The following NBAS variants were observed in gnomAD, a reference collection of about 807,000 sequenced individuals.
NBAS encodes the protein NAG/BC035112 fusion.
A neutral mutation model predicts 302.5 loss-of-function variants in NBAS; 219 were observed. The observed-to-expected ratio is 0.72, with a 90% confidence interval of 0.65 to 0.81. The LOEUF (loss-of-function observed/expected upper bound fraction) is 0.81. NBAS is among the 30% of genes least tolerant of loss of function. The pLI is 0.00. For missense variants in NBAS, 2,932 were observed against 2,841.6 expected (o/e 1.03, Z -0.72); for synonymous variants, 1,118 against 1,021.6 (o/e 1.09, Z -1.80).
chr2:14,852,907 A>T, the NBAS span, among the ~76,000 whole-genome samples: 1 of 136,136 alleles, frequency 7.3e-6, no homozygotes, highest in South Asian at 2.5e-4. Flanking sequence ...CTTACACCTT[A>T]TACAAAAATC....
At chr2:15,380,995 A>T (rs999801068) in intron 29 of NBAS, among the ~76,000 whole-genome samples, 170 of 152,346 alleles carry the variant, frequency 1.1e-3, no homozygotes, top group African/African-American at 4.0e-3. Flanking sequence ...TAAAATAGAT[A>T]CTGTGACAGA....
At chr2:15,443,959 C>T (rs1678585245) in intron 21 of NBAS, among the ~76,000 whole-genome samples, 1 of 151,642 alleles carries the variant, frequency 6.6e-6, no homozygotes, top group Non-Finnish European at 1.5e-5. Flanking sequence ...ATGTGAAGGA[C>T]CTCTTCAAGG....
At chr2:14,839,554 C>T in the NBAS span, among the ~76,000 whole-genome samples, 2 of 152,006 alleles carry the variant, frequency 1.3e-5, no homozygotes, top group African/African-American at 4.8e-5. Flanking sequence ...TCAGTAGCAC[C>T]ATGTTGTAGA....
At chr2:15,053,724 C>T in the NBAS span, among the ~76,000 whole-genome samples, 1 of 151,910 alleles carries the variant, frequency 6.6e-6, no homozygotes, top group East Asian at 1.9e-4. Flanking sequence ...AAAAACTGTT[C>T]CATGTGGAGA....
At chr2:14,814,720 T>TG in the NBAS span, among the ~76,000 whole-genome samples, 1 of 152,152 alleles carries the variant, frequency 6.6e-6, no homozygotes, top group African/African-American at 2.4e-5. Context: ...GTTAAGACTT[T>TG]GGGGGGATTG....
At chr2:15,232,572 G>C (rs1004128532) in intron 46 of NBAS, 61 bp from the exon 47 acceptor site, 4 of 1,487,952 alleles carry the variant, frequency 2.7e-6, no homozygotes, top group African/African-American at 1.4e-5. Flanking sequence ...AAATAAACTT[G>C]GTATTCACAC....
chr2:15,048,044 CT>C, the NBAS span, among the ~76,000 whole-genome samples: 33 of 152,220 alleles, frequency 2.2e-4, no homozygotes, highest in Non-Finnish European at 3.8e-4. Context: ...AGAACTCCTG[CT>C]GGGCCGAGAA....
chr2:15,267,449 A>G (rs989001537), intron 44 of NBAS, among the ~76,000 whole-genome samples: 2 of 152,258 alleles, frequency 1.3e-5, no homozygotes, highest in African/African-American at 4.8e-5. Context: ...AAAACATTAT[A>G]TAACACTTTT....
At chr2:15,495,778 G>C (rs1485295847) in intron 11 of NBAS, among the ~76,000 whole-genome samples, 1 of 152,054 alleles carries the variant, frequency 6.6e-6, no homozygotes, top group Non-Finnish European at 1.5e-5. Flanking sequence ...TAGAATAAAA[G>C]ATAATAACAA....
chr2:15,028,958 C>A, the NBAS span, among the ~76,000 whole-genome samples: 7 of 152,304 alleles, frequency 4.6e-5, no homozygotes, highest in Non-Finnish European at 8.8e-5. Flanking sequence ...CGGTGTCATT[C>A]AGCACTAAAT....
chr2:15,507,790 G>A (rs910150699), intron 10 of NBAS, among the ~76,000 whole-genome samples: 2 of 152,232 alleles, frequency 1.3e-5, no homozygotes, highest in Non-Finnish European at 2.9e-5. Flanking sequence ...AATACCTGGA[G>A]CAGTGATTAA....
At chr2:15,094,909 C>T in the NBAS span, among the ~76,000 whole-genome samples, 1 of 152,260 alleles carries the variant, frequency 6.6e-6, no homozygotes, top group East Asian at 1.9e-4. Flanking sequence ...AAAGAGCAAA[C>T]CACAACTTTC....
intron 11 of NBAS, among the ~76,000 whole-genome samples, chr2:15,495,415 A>C (rs759125307): frequency 3.3e-5 from 5 of 152,230 alleles, no homozygotes; most frequent in Non-Finnish European, 7.3e-5. Context: ...ACACCACTAT[A>C]AAGATGCAAT....
At chr2:15,490,888 G>T (rs1007222290) in intron 11 of NBAS, among the ~76,000 whole-genome samples, 3 of 152,118 alleles carry the variant, frequency 2.0e-5, no homozygotes, top group Admixed American at 6.6e-5. Context: ...TTAGTCATGT[G>T]TGATCTGTAC....
chr2:15,314,622 C>T (rs769465861), intron 38 of NBAS, among the ~76,000 whole-genome samples: 6 of 152,100 alleles, frequency 3.9e-5, no homozygotes, highest in South Asian at 2.1e-4. Context: ...AGAATTCTGG[C>T]GGTCCCTTAT....
chr2:15,138,671 A>G, the NBAS span, among the ~76,000 whole-genome samples: 1 of 152,020 alleles, frequency 6.6e-6, no homozygotes, highest in Admixed American at 6.5e-5. Context: ...TGAGTCTTCA[A>G]ACAAATAATT....
intron 40 of NBAS, among the ~76,000 whole-genome samples, chr2:15,303,027 G>A (rs891854755): frequency 1.3e-5 from 2 of 152,104 alleles, no homozygotes; most frequent in South Asian, 2.1e-4. Context: ...CTGCACTGTC[G>A]GCTTCCCTTC....
chr2:15,323,095 G>C (rs1350960585), intron 38 of NBAS, among the ~76,000 whole-genome samples: 1 of 152,086 alleles, frequency 6.6e-6, no homozygotes, highest in Non-Finnish European at 1.5e-5. Context: ...CAGATTGTCA[G>C]AAAATATAAT....
At chr2:14,996,379 T>A in the NBAS span, among the ~76,000 whole-genome samples, 1 of 152,158 alleles carries the variant, frequency 6.6e-6, no homozygotes, top group Non-Finnish European at 1.5e-5. Context: ...GTGACAGAAC[T>A]TATCCAGAGG....
Sources: allele counts gnomAD v4.1 joint callset (sites outside exome capture counted in the v4.1 genomes callset), GRCh38; gene constraint gnomAD v4.1.1; transcripts MANE v1.5; gene names NCBI Gene and HGNC (gene_info 2026-07-23, HGNC 2026-07-21).